Variants in APBB1IP observed in about 807,000 individuals in gnomAD.
APBB1IP encodes the protein amyloid beta precursor protein binding family B member 1 interacting protein.
APBB1IP carries 27 observed loss-of-function variants against 64.9 expected under a neutral mutation model. The observed-to-expected ratio is 0.42, with a 90% CI of 0.31 to 0.57. APBB1IP has a LOEUF of 0.57. Ranked by LOEUF, APBB1IP falls within the 20% of genes least tolerant of loss-of-function variation. APBB1IP has a pLI of 0.20. For missense variants in APBB1IP, 812 were observed against 845.5 expected (o/e 0.96, Z 0.49); for synonymous variants, 392 against 331.0 (o/e 1.18, Z -2.00).
intron 7 of APBB1IP, among the ~76,000 whole-genome samples, chr10:26,512,695 C>A (rs1262565065): frequency 1.3e-5 from 2 of 152,072 alleles, no homozygotes; most frequent in African/African-American, 4.8e-5. Context: ...CAGCCTCGAG[C>A]TCCTGGGCTC....
At chr10:26,515,696 C>A (rs775920522) in intron 8 of APBB1IP, among the ~76,000 whole-genome samples, 1 of 152,144 alleles carries the variant, frequency 6.6e-6, no homozygotes, top group Non-Finnish European at 1.5e-5. Flanking sequence ...TATTGTATAA[C>A]TAAGATTAGC....
chr10:26,443,598 A>G (rs4749128), intron 2 of APBB1IP, among the ~76,000 whole-genome samples: 58,694 of 151,588 alleles, frequency 0.39, 11,539 homozygotes, highest in South Asian at 0.49. Flanking sequence ...GCAGCAGCAC[A>G]ATTAAGGCTC....
intron 4 of APBB1IP, among the ~76,000 whole-genome samples, chr10:26,499,182 C>T (rs752824895): frequency 6.6e-6 from 1 of 152,110 alleles, no homozygotes; most frequent in Middle Eastern, 3.4e-3. Flanking sequence ...GGGAGGATTG[C>T]TTGAACCCAT....
chr10:26,441,555 A>G (rs1490673683), intron 2 of APBB1IP, among the ~76,000 whole-genome samples: 2 of 152,168 alleles, frequency 1.3e-5, no homozygotes, highest in South Asian at 2.1e-4. Context: ...GAGGACTCCA[A>G]AGAGGCTGGC....
At chr10:26,459,155 G>T (rs1302146518) in intron 2 of APBB1IP, among the ~76,000 whole-genome samples, 1 of 134,834 alleles carries the variant, frequency 7.4e-6, no homozygotes, top group South Asian at 2.3e-4. Context: ...TGTTCTCATT[G>T]TTCAATTCCC....
intron 14 of APBB1IP, among the ~76,000 whole-genome samples, chr10:26,565,858 A>G (rs897334004): frequency 2.0e-5 from 3 of 152,230 alleles, no homozygotes; most frequent in African/African-American, 7.2e-5. Flanking sequence ...GACTGCAGAC[A>G]TCTGGGTGCC....
At chr10:26,465,603 A>G (rs1047592661) in intron 2 of APBB1IP, among the ~76,000 whole-genome samples, 32 of 152,206 alleles carry the variant, frequency 2.1e-4, no homozygotes, top group African/African-American at 7.2e-4. Context: ...AGAAAAAATT[A>G]TAATTATGTC....
chr10:26,489,555 T>A (rs1400206494), intron 2 of APBB1IP, among the ~76,000 whole-genome samples: 1 of 152,184 alleles, frequency 6.6e-6, no homozygotes, highest in Non-Finnish European at 1.5e-5. Context: ...AAAATGATTT[T>A]ACAGCCTCAT....
intron 8 of APBB1IP, among the ~76,000 whole-genome samples, chr10:26,519,570 G>A (rs567277035): frequency 5.9e-5 from 9 of 152,298 alleles, no homozygotes; most frequent in East Asian, 5.8e-4. Context: ...CACCAGGCCC[G>A]ACTTCCAACA....
intron 2 of APBB1IP, among the ~76,000 whole-genome samples, chr10:26,464,134 TACTC>T (rs756195391): frequency 6.6e-6 from 1 of 152,212 alleles, no homozygotes; most frequent in Middle Eastern, 3.2e-3. Flanking sequence ...TTGCTTTAGT[TACTC>T]AGTATCTACA....
At chr10:26,481,775 C>T (rs2132422674) in intron 2 of APBB1IP, among the ~76,000 whole-genome samples, 1 of 152,024 alleles carries the variant, frequency 6.6e-6, no homozygotes, top group South Asian at 2.1e-4. Flanking sequence ...GTGTAACCCA[C>T]CGCACCTGGC....
intron 9 of APBB1IP, among the ~76,000 whole-genome samples, chr10:26,535,270 C>T (rs903583500): frequency 6.6e-6 from 1 of 152,016 alleles, no homozygotes; most frequent in Non-Finnish European, 1.5e-5. Context: ...GAAAAGAAAA[C>T]TATCCCAATA....
intron 2 of APBB1IP, among the ~76,000 whole-genome samples, chr10:26,486,262 G>A (rs920545799): frequency 6.6e-6 from 1 of 152,112 alleles, no homozygotes; most frequent in Non-Finnish European, 1.5e-5. Context: ...TGCAGCAACG[G>A]TGGTGGTGAA....
At chr10:26,489,549 T>A (rs1835931174) in intron 2 of APBB1IP, among the ~76,000 whole-genome samples, 2 of 152,186 alleles carry the variant, frequency 1.3e-5, no homozygotes. Context: ...TCACGCAAAA[T>A]GATTTTACAG....
intron 2 of APBB1IP, among the ~76,000 whole-genome samples, chr10:26,449,060 C>T (rs940558443): frequency 1.3e-5 from 2 of 152,152 alleles, no homozygotes; most frequent in Non-Finnish European, 2.9e-5. Context: ...GTTGGAGATG[C>T]GTAGGATATG....
intron 11 of APBB1IP, among the ~76,000 whole-genome samples, chr10:26,554,981 A>C (rs1836876832): frequency 6.6e-6 from 1 of 152,176 alleles, no homozygotes; most frequent in Non-Finnish European, 1.5e-5. Context: ...ATAAGGTTAC[A>C]TTCATAGGTA....
At chr10:26,467,792 G>A (rs993023577) in intron 2 of APBB1IP, among the ~76,000 whole-genome samples, 4 of 152,210 alleles carry the variant, frequency 2.6e-5, no homozygotes, top group Non-Finnish European at 4.4e-5. Context: ...GAGAACCACT[G>A]TTTCTGAGAA....
chr10:26,501,322 A>G (rs1441971442), intron 5 of APBB1IP: 1 of 598,746 alleles, frequency 1.7e-6, no homozygotes, highest in East Asian at 2.8e-5. Flanking sequence ...GGCCATATTC[A>G]GGATTTACTG....
intron 2 of APBB1IP, among the ~76,000 whole-genome samples, chr10:26,483,301 T>A (rs1240416764): frequency 4.6e-5 from 7 of 152,158 alleles, no homozygotes. Context: ...GATGACTGAC[T>A]TACTTTGTGT....
Sources: gnomAD v4.1 joint callset for allele counts (sites outside exome capture counted in the v4.1 genomes callset) on GRCh38, gnomAD v4.1.1 for gene constraint, MANE v1.5 for transcripts, NCBI Gene and HGNC (gene_info 2026-07-23, HGNC 2026-07-21) for gene names.